The following WWOX variants were observed in gnomAD, a reference collection of about 807,000 sequenced individuals.
WWOX encodes WW domain containing oxidoreductase, also known as WW domain-containing oxidoreductase.
WWOX carries 69 observed loss-of-function variants against 46.2 expected under a neutral mutation model. The ratio of observed to expected loss-of-function variants is 1.49; its 90% CI spans 1.23 to 1.82. WWOX has a LOEUF of 1.82. WWOX is among the 40% of genes most tolerant of loss of function. The probability of loss-of-function intolerance (pLI) is 0.00; values close to 1 mark genes in which losing one functional copy is unlikely to be tolerated. For synonymous variants in WWOX, 359 were observed against 202.6 expected (o/e 1.77, Z -6.56); for missense variants, 919 against 542.6 (o/e 1.69, Z -6.89).
At chr16:78,935,788 C>T (rs1401536219) in intron 8 of WWOX, among the ~76,000 whole-genome samples, 3 of 152,006 alleles carry the variant, frequency 2.0e-5, no homozygotes, top group Non-Finnish European at 4.4e-5. Flanking sequence ...TGGCACCTGC[C>T]TGTACCCCAG....
intron 8 of WWOX, among the ~76,000 whole-genome samples, chr16:78,869,598 G>C (rs985542529): frequency 6.6e-6 from 1 of 152,206 alleles, no homozygotes; most frequent in Non-Finnish European, 1.5e-5. Context: ...TTGACACTGC[G>C]CATGGGCTCG....
intron 5 of WWOX, among the ~76,000 whole-genome samples, chr16:78,348,764 T>C (rs2081136531): frequency 8.2e-6 from 1 of 121,248 alleles, no homozygotes; most frequent in African/African-American, 2.8e-5. Context: ...TGCCCTGATG[T>C]GATGCTTAAA....
intron 5 of WWOX, among the ~76,000 whole-genome samples, chr16:78,207,880 T>C (rs1354844582): frequency 2.0e-5 from 3 of 152,134 alleles, no homozygotes; most frequent in Non-Finnish European, 4.4e-5. Flanking sequence ...TGGCGTGATC[T>C]TGGTTCACTG....
At chr16:78,358,850 G>A (rs1184530302) in intron 5 of WWOX, among the ~76,000 whole-genome samples, 5 of 139,948 alleles carry the variant, frequency 3.6e-5, no homozygotes, top group African/African-American at 1.3e-4. Context: ...TCATAAAGTT[G>A]AAATCACACT....
intron 8 of WWOX, among the ~76,000 whole-genome samples, chr16:78,689,217 T>C (rs966228403): frequency 1.3e-5 from 2 of 152,334 alleles, no homozygotes; most frequent in East Asian, 1.9e-4. Flanking sequence ...AGTGACCTTG[T>C]TGAGAAATGC....
At chr16:79,004,595 C>T (rs1597263399) in intron 8 of WWOX, 1 of 152,296 alleles carries the variant, frequency 6.6e-6, no homozygotes, top group East Asian at 1.9e-4. Flanking sequence ...TTGCAGGTTC[C>T]TGTTCAACCC....
intron 8 of WWOX, among the ~76,000 whole-genome samples, chr16:78,974,868 G>C (rs1418233187): frequency 3.3e-5 from 5 of 152,120 alleles, no homozygotes; most frequent in Non-Finnish European, 7.3e-5. Flanking sequence ...CTGTCCACTG[G>C]AGGCCCGGGG....
chr16:78,200,695 G>T (rs1034205729), intron 5 of WWOX, among the ~76,000 whole-genome samples: 2 of 66,442 alleles, frequency 3.0e-5, no homozygotes, highest in African/African-American at 1.3e-4. Context: ...ACAGTGTGGT[G>T]CCTTTGCCCA....
chr16:78,891,418 G>A (rs2044588096), intron 8 of WWOX: 1 of 152,132 alleles, frequency 6.6e-6, no homozygotes, highest in Non-Finnish European at 1.5e-5. Flanking sequence ...TTAAAAAGGT[G>A]ATCTCACTAA....
chr16:78,947,268 A>T (rs1343437408), intron 8 of WWOX, among the ~76,000 whole-genome samples: 1 of 152,210 alleles, frequency 6.6e-6, no homozygotes, highest in Non-Finnish European at 1.5e-5. Flanking sequence ...CAAGCCACTT[A>T]GATTTTTAAC....
chr16:78,971,371 G>A (rs1175713138), intron 8 of WWOX, among the ~76,000 whole-genome samples: 3 of 146,544 alleles, frequency 2.0e-5, no homozygotes, highest in Admixed American at 1.4e-4. Context: ...GGGAGAATCT[G>A]TTGAGTCCGG....
chr16:79,075,780 A>G (rs539508212), intron 8 of WWOX, among the ~76,000 whole-genome samples: 2 of 152,238 alleles, frequency 1.3e-5, no homozygotes, highest in African/African-American at 4.8e-5. Flanking sequence ...AGGTAATGGA[A>G]GCAAGAGAGG....
intron 8 of WWOX, among the ~76,000 whole-genome samples, chr16:78,716,074 A>G (rs1048006589): frequency 1.3e-5 from 2 of 152,172 alleles, no homozygotes; most frequent in African/African-American, 4.8e-5. Flanking sequence ...AGGGGAAAAA[A>G]AAAATCAGAC....
At chr16:78,787,556 C>G (rs573720776) in intron 8 of WWOX, among the ~76,000 whole-genome samples, 60 of 152,174 alleles carry the variant, frequency 3.9e-4, no homozygotes, top group African/African-American at 1.4e-3. Flanking sequence ...TTTTGTTTAT[C>G]CATTTGCCAG....
chr16:79,103,281 A>C (rs1439809788), intron 8 of WWOX, among the ~76,000 whole-genome samples: 1 of 152,192 alleles, frequency 6.6e-6, no homozygotes, highest in Non-Finnish European at 1.5e-5. Flanking sequence ...TAATTTATGT[A>C]TTTAATTTCT....
chr16:79,005,977 C>T (rs531630925), intron 8 of WWOX, among the ~76,000 whole-genome samples: 5 of 152,124 alleles, frequency 3.3e-5, no homozygotes, highest in Admixed American at 1.3e-4. Context: ...TGGGGACAGG[C>T]GGCAGGTGTT....
intron 8 of WWOX, among the ~76,000 whole-genome samples, chr16:78,473,401 A>G (rs1041946923): frequency 6.6e-6 from 1 of 151,872 alleles, no homozygotes; most frequent in South Asian, 2.1e-4. Flanking sequence ...AAGTGCTAGG[A>G]TTACAGACAT....
chr16:78,921,242 C>G (rs753249891), intron 8 of WWOX, among the ~76,000 whole-genome samples: 1 of 152,104 alleles, frequency 6.6e-6, no homozygotes, highest in Admixed American at 6.5e-5. Flanking sequence ...AGCCTCGAAA[C>G]CGCACTGTGC....
intron 8 of WWOX, among the ~76,000 whole-genome samples, chr16:78,802,259 G>C (rs1288084248): frequency 9.0e-6 from 1 of 111,642 alleles, no homozygotes; most frequent in African/African-American, 3.6e-5. Flanking sequence ...AAGGCTTTCT[G>C]TCACAGGCTC....
Sources: gnomAD v4.1 joint callset for allele counts (sites outside exome capture counted in the v4.1 genomes callset) on GRCh38, gnomAD v4.1.1 for gene constraint, MANE v1.5 for transcripts, NCBI Gene and HGNC (gene_info 2026-07-23, HGNC 2026-07-21) for gene names.